SCLT1: variants seen among roughly 807,000 people sequenced by gnomAD.
SCLT1 encodes sodium channel-associated protein 1.
SCLT1 carries 78 observed loss-of-function variants against 112.8 expected under a neutral mutation model. That is an observed-to-expected ratio of 0.69 (90% CI 0.58 to 0.83). The LOEUF (loss-of-function observed/expected upper bound fraction) is 0.83, where lower values mean the gene tolerates loss of function less well. SCLT1 is among the 40% of genes least tolerant of loss of function. SCLT1 has a pLI of 0.00. For missense variants in SCLT1, 747 were observed against 770.4 expected (o/e 0.97, Z 0.36); for synonymous variants, 257 against 254.7 (o/e 1.01, Z -0.09).
At chr4:129,026,022 G>A (rs143942575) in intron 5 of SCLT1, among the ~76,000 whole-genome samples, 24 of 152,128 alleles carry the variant, frequency 1.6e-4, no homozygotes, top group East Asian at 1.3e-3. Flanking sequence ...TATATGCACC[G>A]AATACAGGAG....
intron 4 of SCLT1, chr4:128,874,487 CAAAAA>C (rs1732425224): frequency 1.5e-5 from 2 of 136,498 alleles, no homozygotes; most frequent in Admixed American, 1.5e-4. Context: ...AAAAACAAAA[CAAAAA>C]CAAAACAAAA....
chr4:128,883,470 G>A (rs1159208188), downstream of SCLT1, among the ~76,000 whole-genome samples: 4 of 152,022 alleles, frequency 2.6e-5, no homozygotes, highest in Non-Finnish European at 5.9e-5. Flanking sequence ...ACGGGTTGAT[G>A]GGTGCAGCAA....
chr4:129,020,764 T>C (rs1263735747), intron 5 of SCLT1, among the ~76,000 whole-genome samples: 1 of 152,194 alleles, frequency 6.6e-6, no homozygotes, highest in Non-Finnish European at 1.5e-5. Flanking sequence ...AGCAAAAAGA[T>C]CCAGGTATGA....
chr4:128,899,586 C>G (rs1417679535), intron 18 of SCLT1, among the ~76,000 whole-genome samples: 2 of 152,114 alleles, frequency 1.3e-5, no homozygotes, highest in African/African-American at 4.8e-5. Flanking sequence ...TGGGCAAAAA[C>G]TGGAAGCATT....
In SCLT1 at chr4:128,965,248, C is replaced by A; in HGVS notation, c.848G>T (p.Ser283Ile). The part of the protein sequence containing the change: ...SDRRLQQLQS[S>I]IKQLEIRLCV... ...TTACCTTATTTCTAATTGTTTTATACTAGACTGTAACTGCTGTAAACGCCT... is the reference window on the plus strand; with the variant it reads ...TTACCTTATTTCTAATTGTTTTATAATAGACTGTAACTGCTGTAAACGCCT... The change falls in exon 11 of 21, where the codon AGT becomes ATT. Residue 283 changes from serine (S) to isoleucine (I), a missense_variant. Ser to Ile is a moderately radical substitution (Grantham distance 142). Transcript: ENST00000281142. 1 of 1,596,466 alleles carries A rather than the reference C, an allele frequency of 6.3e-7. No homozygotes were observed. Among genetic ancestry groups the A allele is most frequent in the Non-Finnish European group, 8.6e-7 (1 of 1,164,292 alleles).
chr4:128,993,860 A>G (rs987599683), intron 8 of SCLT1, among the ~76,000 whole-genome samples: 1 of 152,042 alleles, frequency 6.6e-6, no homozygotes, highest in African/African-American at 2.4e-5. Context: ...AGCAAATCTT[A>G]AAAAACATTT....
intron 2 of SCLT1, among the ~76,000 whole-genome samples, chr4:129,050,370 C>T (rs979848651): frequency 6.6e-6 from 1 of 152,172 alleles, no homozygotes; most frequent in South Asian, 2.1e-4. Flanking sequence ...AAAAGCATTC[C>T]TATTTATACA....
chr4:129,079,597 T>C (rs1751759621), intron 2 of SCLT1, among the ~76,000 whole-genome samples: 1 of 152,224 alleles, frequency 6.6e-6, no homozygotes, highest in South Asian at 2.1e-4. Flanking sequence ...GTACATTCCC[T>C]GCAGCTGCTT....
chr4:128,902,013 C>T (rs1428476977), intron 18 of SCLT1, among the ~76,000 whole-genome samples: 1 of 151,954 alleles, frequency 6.6e-6, no homozygotes, highest in Non-Finnish European at 1.5e-5. Context: ...ACCTTCTAGG[C>T]TCAAGTGATC....
intron 18 of SCLT1, among the ~76,000 whole-genome samples, chr4:128,934,536 A>G (rs1307317018): frequency 1.3e-5 from 2 of 151,794 alleles, no homozygotes; most frequent in African/African-American, 4.8e-5. Context: ...ATTACTCTTA[A>G]TATTATATAT....
At chr4:128,948,617 TAAGAA>T in intron 14 of SCLT1, 47 bp from the exon 15 acceptor site, 1 of 1,363,386 alleles carries the variant, frequency 7.3e-7, no homozygotes, top group Non-Finnish European at 1.0e-6. Context: ...GGTAACATCT[TAAGAA>T]AAGTGGGGAA....
chr4:128,900,856 G>A (rs1734224064), intron 18 of SCLT1, among the ~76,000 whole-genome samples: 1 of 152,120 alleles, frequency 6.6e-6, no homozygotes, highest in Non-Finnish European at 1.5e-5. Context: ...ATCAAAAAGT[G>A]GGTGAAGGAC....
intron 11 of SCLT1, among the ~76,000 whole-genome samples, chr4:128,960,295 A>C (rs935747528): frequency 6.6e-6 from 1 of 152,172 alleles, no homozygotes; most frequent in Non-Finnish European, 1.5e-5. Context: ...ACACATATAC[A>C]CATAAATATA....
chr4:128,882,225 T>C (rs919793684), downstream of SCLT1, among the ~76,000 whole-genome samples: 1 of 152,194 alleles, frequency 6.6e-6, no homozygotes, highest in Admixed American at 6.5e-5. Flanking sequence ...GTTCTATAAA[T>C]ATGAATATGA....
chr4:129,026,331 G>A (rs7671455), intron 5 of SCLT1, among the ~76,000 whole-genome samples: 39,501 of 151,272 alleles, frequency 0.26, 6,314 homozygotes, highest in Non-Finnish European at 0.35. Context: ...GTAAAAGAAC[G>A]GAAATTATAA....
At chr4:128,963,522 C>T (rs1035045314) in intron 11 of SCLT1, among the ~76,000 whole-genome samples, 3 of 152,128 alleles carry the variant, frequency 2.0e-5, no homozygotes, top group Admixed American at 6.5e-5. Flanking sequence ...GTCTTACAGA[C>T]TTTTCTTCTA....
intron 4 of SCLT1, among the ~76,000 whole-genome samples, chr4:129,042,883 G>A (rs1474826962): frequency 2.0e-5 from 3 of 151,924 alleles, no homozygotes; most frequent in African/African-American, 7.3e-5. Flanking sequence ...GACCATCCTG[G>A]CCAACATGGT....
At chr4:128,882,630 C>T (rs1344295499), downstream of SCLT1, among the ~76,000 whole-genome samples, 2 of 152,118 alleles carry the variant, frequency 1.3e-5, no homozygotes, top group African/African-American at 2.4e-5. Flanking sequence ...AAATGAATGA[C>T]AGTACATGTG....
chr4:128,974,775 G>C (rs1363734702), intron 9 of SCLT1, among the ~76,000 whole-genome samples: 3 of 151,798 alleles, frequency 2.0e-5, no homozygotes, highest in African/African-American at 7.3e-5. Context: ...AAATGTTTTA[G>C]ATATATGTCT....
Sources: allele counts gnomAD v4.1 joint callset (sites outside exome capture counted in the v4.1 genomes callset), GRCh38; gene constraint gnomAD v4.1.1; transcripts MANE v1.5; gene names NCBI Gene and HGNC (gene_info 2026-07-23, HGNC 2026-07-21).